The following C2CD3 variants were observed in gnomAD, a reference collection of about 807,000 sequenced individuals.
C2CD3 encodes C2 domain containing 3 centriole elongation regulator.
A neutral mutation model predicts 234.0 loss-of-function variants in C2CD3; 148 were observed. The ratio of observed to expected loss-of-function variants is 0.63; its 90% CI spans 0.55 to 0.72. C2CD3 has a LOEUF of 0.72. C2CD3 is among the 30% of genes least tolerant of loss of function. The probability of loss-of-function intolerance (pLI) is 0.00; values close to 1 mark genes in which losing one functional copy is unlikely to be tolerated. For missense variants in C2CD3, 2,577 were observed against 2,811.5 expected (o/e 0.92, Z 1.89); for synonymous variants, 1,000 against 1,035.4 (o/e 0.97, Z 0.66).
intron 11 of C2CD3, among the ~76,000 whole-genome samples, chr11:74,112,688 C>T (rs1215625762): frequency 1.3e-5 from 2 of 152,052 alleles, no homozygotes; most frequent in Admixed American, 6.6e-5. Flanking sequence ...CCAATAAGCA[C>T]ATGAAAAGAT....
At chr11:74,122,917 A>AAGTGATGTCC (rs1332793543) in intron 8 of C2CD3, 71 bp downstream of exon 8, 1 of 564,790 alleles carries the variant, frequency 1.8e-6, no homozygotes, top group Non-Finnish European at 2.5e-6. Context: ...CATAGCTGTC[A>AAGTGATGTCC]TGCCTGCAGC....
In C2CD3 at chr11:74,097,067, T is replaced by C. The variant is rs1409633740; in HGVS notation, c.2979+942A>G. On this transcript the variant is annotated intron_variant, in intron 16 of 32. Coordinates refer to ENST00000334126, the MANE Select transcript of C2CD3 (RefSeq NM_001286577.2). Reference sequence around the variant, plus strand: ...GGGAGGCCAAGGCAGGAGAATCCCTTGAACCCAGTTGGTGGAGGTTGTAGT... The same window carrying C: ...GGGAGGCCAAGGCAGGAGAATCCCTCGAACCCAGTTGGTGGAGGTTGTAGT... Among the ~76,000 whole-genome samples the C allele has an allele frequency of 3.3e-5, 5 of 151,720 alleles. No homozygotes were observed. The South Asian group carries it at 8.3e-4, about 25-fold the overall frequency.
intron 14 of C2CD3, among the ~76,000 whole-genome samples, chr11:74,101,661 C>A (rs1226425540): frequency 1.3e-5 from 2 of 152,062 alleles, no homozygotes; most frequent in Non-Finnish European, 2.9e-5. Context: ...TTAACTGATA[C>A]AAAAAGCTCT....
intron 24 of C2CD3, among the ~76,000 whole-genome samples, chr11:74,059,900 A>G (rs750117214): frequency 2.0e-5 from 3 of 152,126 alleles, no homozygotes; most frequent in Non-Finnish European, 4.4e-5. Flanking sequence ...GTACCTGGAA[A>G]ATCAGGATAC....
At chr11:74,029,384 G>C (rs1952430199) in intron 31 of C2CD3, among the ~76,000 whole-genome samples, 1 of 152,192 alleles carries the variant, frequency 6.6e-6, no homozygotes, top group African/African-American at 2.4e-5. Context: ...CCATATTCCT[G>C]TCACCTAGCA....
At chr11:74,085,522 C>T (rs1188630001) in intron 21 of C2CD3, 96 bp downstream of exon 21, 1 of 1,268,358 alleles carries the variant, frequency 7.9e-7, no homozygotes, top group Admixed American at 2.1e-5. Context: ...GACTCCTCAC[C>T]TTTAAATACT....
chr11:74,153,957 G>C lies in C2CD3; in HGVS notation c.483+7442C>G, dbSNP rs1461292152. Among the ~76,000 whole-genome samples the C allele has an allele frequency of 3.7e-4, 56 of 151,844 alleles. 1 individual carries two copies. The highest frequency in any genetic ancestry group is 3.7e-3 in the Admixed American group (56 of 15,240). On this transcript the variant is annotated intron_variant, in intron 3 of 32. Coordinates refer to ENST00000334126, the MANE Select transcript of C2CD3 (RefSeq NM_001286577.2). ...TGATTATATTCAAACAAAATTTAAT[G>C]GGGTGGGAAAGGGCAATCTTTTCAA...
At chr11:74,071,934 C>T (rs541230814) in intron 24 of C2CD3, among the ~76,000 whole-genome samples, 39 of 151,658 alleles carry the variant, frequency 2.6e-4, no homozygotes, top group African/African-American at 5.8e-4. Context: ...GTATATTTTG[C>T]TTTTTTTTAA....
chr11:74,097,375 A>G (rs190538882), intron 16 of C2CD3, among the ~76,000 whole-genome samples: 1 of 152,340 alleles, frequency 6.6e-6, no homozygotes. Flanking sequence ...ACAGTAGTAC[A>G]TGATACAGTG....
At chr11:74,029,631 G>A (rs903701063) in intron 31 of C2CD3, among the ~76,000 whole-genome samples, 1 of 152,254 alleles carries the variant, frequency 6.6e-6, no homozygotes, top group South Asian at 2.1e-4. Context: ...ATGCTGTGGG[G>A]AAGAAAGAAC....
chr11:74,070,265 C>A (rs911455154), intron 24 of C2CD3, among the ~76,000 whole-genome samples: 3 of 152,190 alleles, frequency 2.0e-5, no homozygotes, highest in Non-Finnish European at 4.4e-5. Context: ...TTTTCAGAAC[C>A]AGGACTACAG....
chr11:74,137,751 AT>A (rs1302978894), intron 5 of C2CD3, among the ~76,000 whole-genome samples: 2 of 151,370 alleles, frequency 1.3e-5, no homozygotes, highest in African/African-American at 4.9e-5. Flanking sequence ...CACCCAGCTA[AT>A]TTTTTGTATT....
At chr11:74,123,162 A>G in intron 7 of C2CD3, 27 bp from the exon 8 acceptor site, 1 of 1,584,948 alleles carries the variant, frequency 6.3e-7, no homozygotes, top group Non-Finnish European at 8.6e-7. Flanking sequence ...ACAAAGCAGA[A>G]GAATTTTAAT....
intron 31 of C2CD3, among the ~76,000 whole-genome samples, chr11:74,030,880 C>T (rs1451221037): frequency 3.9e-5 from 6 of 152,182 alleles, no homozygotes; most frequent in Non-Finnish European, 8.8e-5. Context: ...GTGACAGAAA[C>T]CTCTAATTAC....
rs1402903657 is a variant in C2CD3 at position 74,103,323 on chromosome 11, C to T, written c.2388G>A (p.Gly796=). 1 of 1,614,056 alleles carries T rather than the reference C, an allele frequency of 6.2e-7. No individual in the cohort carries two copies. The highest frequency in any genetic ancestry group is 8.5e-7 in the Non-Finnish European group (1 of 1,180,024). ...ACAGCAAAGCACTCTCTTTTGTTGT[C>T]CCATTTGTCTGATTGACTAAATTAT... ...ASHNLVNQTN[G]TTKESALLLH... is the part of the protein sequence containing the mutation. Residue 796 remains glycine (G), a synonymous_variant, in exon 14 of 33, where the codon GGG becomes GGA. Coordinates refer to ENST00000334126, the MANE Select transcript of C2CD3 (RefSeq NM_001286577.2).
At chr11:74,040,035 A>G (rs1017193617) in intron 29 of C2CD3, among the ~76,000 whole-genome samples, 2 of 152,106 alleles carry the variant, frequency 1.3e-5, no homozygotes, top group South Asian at 2.1e-4. Context: ...GAAGTCCCCA[A>G]CCTCTGGGCT....
At chr11:74,031,180 T>C (rs1170841681) in intron 31 of C2CD3, among the ~76,000 whole-genome samples, 1 of 152,254 alleles carries the variant, frequency 6.6e-6, no homozygotes, top group Non-Finnish European at 1.5e-5. Flanking sequence ...GCAGTTTACA[T>C]GATTATTTTC....
chr11:74,115,217 C>CAT (rs1002727966), intron 9 of C2CD3, among the ~76,000 whole-genome samples: 35 of 151,354 alleles, frequency 2.3e-4, no homozygotes, highest in African/African-American at 1.9e-4. Context: ...CACATACATA[C>CAT]ATATATATAT....
chr11:74,122,948 T>C, intron 8 of C2CD3, 40 bp downstream of exon 8: 1 of 1,547,844 alleles, frequency 6.5e-7, no homozygotes, highest in Middle Eastern at 1.8e-4. Flanking sequence ...ATTAATACAT[T>C]TGTTCTCTAA....
Sources: allele counts gnomAD v4.1 joint callset (sites outside exome capture counted in the v4.1 genomes callset), GRCh38; gene constraint gnomAD v4.1.1; transcripts MANE v1.5; gene names NCBI Gene and HGNC (gene_info 2026-07-23, HGNC 2026-07-21).